The following CCDC30 variants were observed in gnomAD, a reference collection of about 807,000 sequenced individuals.
CCDC30 encodes coiled-coil domain-containing protein 30.
Under a neutral mutation model 100.2 loss-of-function variants are expected in CCDC30, and 70 were observed. The observed-to-expected ratio is 0.70, with a 90% confidence interval of 0.58 to 0.85. The LOEUF (loss-of-function observed/expected upper bound fraction) is 0.85, where lower values mean the gene tolerates loss of function less well. Among genes scored for constraint, CCDC30 ranks in the 40% least tolerant of loss-of-function variants. The pLI is 0.00. For missense variants in CCDC30, 652 were observed against 771.2 expected (o/e 0.85, Z 1.83); for synonymous variants, 233 against 269.5 (o/e 0.86, Z 1.33).
At chr1:42,576,596 A>G (rs1456430057) in intron 7 of CCDC30, among the ~76,000 whole-genome samples, 1 of 152,228 alleles carries the variant, frequency 6.6e-6, no homozygotes, top group African/African-American at 2.4e-5. Context: ...AGAAGAGTCT[A>G]CAAAGAAGAC....
At chr1:42,489,250 C>T (rs952984314) in intron 3 of CCDC30, among the ~76,000 whole-genome samples, 11 of 152,192 alleles carry the variant, frequency 7.2e-5, no homozygotes, top group African/African-American at 2.7e-4. Flanking sequence ...ACTTGCTTAA[C>T]TTTTCTGAGT....
At chr1:42,498,963 T>C (rs1644267639) in intron 6 of CCDC30, 47 bp downstream of exon 6, 4 of 1,056,314 alleles carry the variant, frequency 3.8e-6, no homozygotes, top group South Asian at 4.8e-5. Context: ...AATTTTTGAG[T>C]TGCATTTTTA....
chr1:42,583,962 G>T (rs551640257), intron 9 of CCDC30, among the ~76,000 whole-genome samples: 3 of 152,302 alleles, frequency 2.0e-5, no homozygotes, highest in African/African-American at 7.2e-5. Context: ...CCTTCATCAA[G>T]GAGCTAAATA....
the CCDC30 span, chr1:42,457,329 G>T: frequency 1.2e-6 from 2 of 1,614,170 alleles, no homozygotes; most frequent in Non-Finnish European, 1.7e-6. Flanking sequence ...ACAAGATCCA[G>T]TCATCTGGGG....
chr1:42,653,813 C>G lies in CCDC30; in HGVS notation c.1923-5C>G. 2.0e-5 allele frequency: 32 copies of G among 1,610,518 alleles called. No individual in the cohort carries two copies. The highest frequency in any genetic ancestry group is 2.7e-5 in the Non-Finnish European group (32 of 1,176,990). On this transcript the variant is annotated splice_polypyrimidine_tract_variant and splice_region_variant and intron_variant, in intron 16 of 16. Coordinates refer to ENST00000668663, the Ensembl canonical transcript of CCDC30. ...CATGATGTCCTCACATATGGCATTT[C>G]TTAGTTTTTCAGGAAAAGGTTTGGT...
intron 6 of CCDC30, among the ~76,000 whole-genome samples, chr1:42,543,878 T>G (rs1569989961): frequency 6.6e-6 from 1 of 152,234 alleles, no homozygotes; most frequent in South Asian, 2.1e-4. Context: ...AAGGGATCTC[T>G]TAAAGTAAAC....
At chr1:42,474,940 C>G (rs899398317) in intron 1 of CCDC30, among the ~76,000 whole-genome samples, 2 of 152,144 alleles carry the variant, frequency 1.3e-5, no homozygotes, top group Non-Finnish European at 2.9e-5. Context: ...AATGTAATCT[C>G]CTGTTAACAT....
intron 6 of CCDC30, among the ~76,000 whole-genome samples, chr1:42,512,510 G>C (rs1252666249): frequency 6.6e-6 from 1 of 152,100 alleles, no homozygotes; most frequent in Non-Finnish European, 1.5e-5. Flanking sequence ...TATATCCTTT[G>C]TTACTATAGA....
intron 8 of CCDC30, chr1:42,580,709 C>A: frequency 3.1e-6 from 1 of 324,142 alleles, no homozygotes; most frequent in Admixed American, 3.8e-5. Flanking sequence ...ATATAACAGT[C>A]TCTCTTTCAA....
At chr1:42,479,938 G>T (rs912356843) in intron 1 of CCDC30, among the ~76,000 whole-genome samples, 4 of 152,140 alleles carry the variant, frequency 2.6e-5, no homozygotes, top group African/African-American at 9.7e-5. Context: ...ACTGTGTGGA[G>T]TACAGCTGCT....
intron 2 of CCDC30, among the ~76,000 whole-genome samples, chr1:42,482,322 G>T (rs1643973224): frequency 6.6e-6 from 1 of 151,848 alleles, no homozygotes; most frequent in Non-Finnish European, 1.5e-5. Context: ...ACAGAAACTT[G>T]TACATGTGTT....
chr1:42,564,628 T>C (rs1045337671), intron 6 of CCDC30, among the ~76,000 whole-genome samples: 6 of 152,254 alleles, frequency 3.9e-5, no homozygotes, highest in African/African-American at 1.4e-4. Flanking sequence ...TTGATTTATG[T>C]GTACATTGTG....
intron 15 of CCDC30, among the ~76,000 whole-genome samples, chr1:42,650,495 ATATGTGTGTGTGTGTGTGTG>A (rs1648248921): frequency 1.0e-5 from 1 of 98,910 alleles, no homozygotes; most frequent in African/African-American, 4.5e-5. Context: ...AAAAAAATAT[ATATGTGTGTGTGTGTGTGTG>A]TGTGTGTGTG....
At chr1:42,588,695 T>C (rs1489933838) in intron 9 of CCDC30, among the ~76,000 whole-genome samples, 2 of 152,170 alleles carry the variant, frequency 1.3e-5, no homozygotes, top group Admixed American at 1.3e-4. Flanking sequence ...AGGGAGGGGA[T>C]GGGTATAATT....
At chr1:42,644,852 C>G (rs530998858) in intron 14 of CCDC30, 45 bp downstream of exon 18, 1 of 1,185,154 alleles carries the variant, frequency 8.4e-7, no homozygotes, top group South Asian at 1.2e-5. Flanking sequence ...ATGTGAAGTT[C>G]GGGTTGCTAC....
rs1363015561 is a variant in CCDC30 at position 42,546,396 on chromosome 1, AAAAATATATATATATATAT to A, written c.457-19898_457-19880del. Among the ~76,000 whole-genome samples, 67 of 15,878 alleles carry A rather than the reference AAAAATATATATATATATAT, an allele frequency of 4.2e-3. 3 individuals are homozygous for A. In the South Asian group the frequency reaches 0.053, roughly 13 times the overall value. 10.4% of individuals were successfully genotyped at this position (15,878 alleles called of 152,430 possible). On this transcript the variant is annotated intron_variant, in intron 6 of 16. Transcript: ENST00000668663. ...GTGAAATTCTGTCTCAAAAAAAAAA[AAAAATATATATATATATAT>A]ATATATATATATATATATATATATA...
intron 1 of CCDC30, among the ~76,000 whole-genome samples, chr1:42,476,296 A>G (rs1643880438): frequency 6.6e-6 from 1 of 152,208 alleles, no homozygotes; most frequent in Admixed American, 6.5e-5. Context: ...TCAATATACC[A>G]GAGTAGTGTA....
chr1:42,477,271 C>T (rs1643894328), intron 1 of CCDC30, among the ~76,000 whole-genome samples: 2 of 152,070 alleles, frequency 1.3e-5, no homozygotes, highest in Admixed American at 1.3e-4. Context: ...ACTCTTTCAC[C>T]CAGGCTGGAG....
chr1:42,631,533 C>G (rs921065159), intron 11 of CCDC30, among the ~76,000 whole-genome samples: 1 of 152,202 alleles, frequency 6.6e-6, no homozygotes, highest in Non-Finnish European at 1.5e-5. Context: ...AGATGCAAAG[C>G]CAGCAAGGCC....
Sources: gnomAD v4.1 joint callset for allele counts (sites outside exome capture counted in the v4.1 genomes callset) on GRCh38, gnomAD v4.1.1 for gene constraint, MANE v1.5 for transcripts, NCBI Gene and HGNC (gene_info 2026-07-23, HGNC 2026-07-21) for gene names.